FBN2: variants seen among roughly 807,000 people sequenced by gnomAD.
FBN2 encodes fibrillin 2, also known as fibrillin-2.
FBN2 carries 105 observed loss-of-function variants against 355.6 expected under a neutral mutation model. The observed-to-expected ratio is 0.30, with a 90% CI of 0.25 to 0.35. The LOEUF (loss-of-function observed/expected upper bound fraction) is 0.35. FBN2 is among the 10% of genes least tolerant of loss of function. FBN2 has a pLI of 1.00. For missense variants in FBN2, 3,280 were observed against 3,758.7 expected (o/e 0.87, Z 3.33); for synonymous variants, 1,350 against 1,301.2 (o/e 1.04, Z -0.81).
intron 38 of FBN2, 48 bp downstream of exon 38, chr5:128,311,837 T>C: frequency 6.4e-6 from 9 of 1,404,216 alleles, no homozygotes; most frequent in Non-Finnish European, 9.1e-6. Flanking sequence ...TTCTCTATAA[T>C]TAACTCTTTA....
chr5:128,298,902 G>A (rs1749621071), intron 48 of FBN2, among the ~76,000 whole-genome samples: 2 of 152,208 alleles, frequency 1.3e-5, no homozygotes, highest in Non-Finnish European at 2.9e-5. Context: ...CTTTGGAGGA[G>A]GAGAGGCGCT....
chr5:128,331,800 C>T (rs112459382), intron 32 of FBN2, among the ~76,000 whole-genome samples: 1,948 of 152,202 alleles, frequency 0.013, 19 homozygotes, highest in Non-Finnish European at 0.021. Context: ...GGAGGCTGGA[C>T]ACAGCTGAAT....
chr5:128,400,437 T>A (rs1216513239), intron 8 of FBN2, among the ~76,000 whole-genome samples: 1 of 152,020 alleles, frequency 6.6e-6, no homozygotes, highest in Admixed American at 6.5e-5. Flanking sequence ...AGTGGAATAT[T>A]TACATGACTT....
chr5:128,405,570 T>C (rs905488475), intron 8 of FBN2, among the ~76,000 whole-genome samples: 1 of 152,246 alleles, frequency 6.6e-6, no homozygotes, highest in Non-Finnish European at 1.5e-5. Context: ...GGATTCATGC[T>C]TCTTTTCCAA....
chr5:128,259,892 G>T, intron 64 of FBN2, 63 bp from the exon 65 acceptor site: 1 of 1,564,490 alleles, frequency 6.4e-7, no homozygotes, highest in Non-Finnish European at 8.8e-7. Flanking sequence ...GGACTAGAAA[G>T]AGATCAGCTG....
At chr5:128,380,851 G>A (rs1389269108) in intron 11 of FBN2, among the ~76,000 whole-genome samples, 1 of 152,008 alleles carries the variant, frequency 6.6e-6, no homozygotes, top group African/African-American at 2.4e-5. Context: ...GGAACAGAAA[G>A]TACTTAAATA....
At chr5:128,437,028 G>T (rs991754464) in intron 7 of FBN2, among the ~76,000 whole-genome samples, 1 of 152,168 alleles carries the variant, frequency 6.6e-6, no homozygotes, top group South Asian at 2.1e-4. Context: ...GAGATCTCTC[G>T]TGATAGAAAT....
intron 34 of FBN2, among the ~76,000 whole-genome samples, chr5:128,319,969 A>G (rs186858190): frequency 4.0e-4 from 61 of 152,348 alleles, no homozygotes; most frequent in African/African-American, 1.3e-3. Flanking sequence ...AGACAGTTAT[A>G]TCTTAAGTCT....
intron 7 of FBN2, among the ~76,000 whole-genome samples, chr5:128,418,955 A>C (rs1240027811): frequency 6.6e-6 from 1 of 152,180 alleles, no homozygotes; most frequent in Non-Finnish European, 1.5e-5. Flanking sequence ...CATCTTAACA[A>C]TATTAAGTTT....
In FBN2 at chr5:128,350,963, C is replaced by A. The variant is rs370973542; in HGVS notation, c.2717G>T (p.Arg906Leu). Residue 906 changes from arginine (R) to leucine (L), a missense_variant, in exon 21 of 65, where the codon CGC becomes CTC. Arg to Leu is a moderately radical substitution (Grantham distance 102, BLOSUM62 -2). Coordinates refer to ENST00000262464, the MANE Select transcript of FBN2 (RefSeq NM_001999.4). ...GGCTCCATTAATATTCACCTCACAG[C>A]GGCTGTCCTGGATGTTGAGCCAACA... ...GTCWLNIQDS[R>L]CEVNINGATL... 3 of 1,614,022 alleles carry A rather than the reference C, an allele frequency of 1.9e-6. No homozygotes were observed. Among genetic ancestry groups the A allele is most frequent in the African/African-American group, 1.3e-5 (1 of 74,922 alleles).
chr5:128,376,192 C>T (rs1325965816), intron 14 of FBN2, among the ~76,000 whole-genome samples: 1 of 152,058 alleles, frequency 6.6e-6, no homozygotes, highest in Non-Finnish European at 1.5e-5. Context: ...TTAAGGTTAT[C>T]ATTAGAGCTT....
rs1749240802 is a variant in FBN2 at position 128,288,992 on chromosome 5, A to G, written c.6637+135T>C. On this transcript the variant is annotated intron_variant, in intron 52 of 64. Coordinates refer to ENST00000262464, the MANE Select transcript of FBN2 (RefSeq NM_001999.4). ...CTGACTGGAAAATGTAAGACTGGTG[A>G]AGAAGGTGCCACTACTAGCTATTTA... 1.1e-5 allele frequency: 9 copies of G among 855,776 alleles called. No homozygotes were observed. In the East Asian group the frequency reaches 2.4e-4, roughly 22 times the overall value. 53.0% of individuals were successfully genotyped at this position (855,776 alleles called of 1,614,324 possible).
intron 5 of FBN2, among the ~76,000 whole-genome samples, chr5:128,515,098 G>A (rs530418694): frequency 1.3e-5 from 2 of 152,130 alleles, no homozygotes; most frequent in South Asian, 2.1e-4. Flanking sequence ...ATTTCTAAAC[G>A]AACTTGAGTC....
At chr5:128,480,948 A>C (rs1202425132) in intron 5 of FBN2, among the ~76,000 whole-genome samples, 1 of 152,176 alleles carries the variant, frequency 6.6e-6, no homozygotes, top group African/African-American at 2.4e-5. Flanking sequence ...ATATGGATAA[A>C]ACTTTCTTGG....
At chr5:128,350,146 T>C in intron 21 of FBN2, 141 bp from the exon 22 acceptor site, 1 of 724,556 alleles carries the variant, frequency 1.4e-6, no homozygotes, top group Non-Finnish European at 2.5e-6. Context: ...GACATCATTG[T>C]CCCCTCTTCA....
chr5:128,528,042 T>C (rs1756609003), intron 3 of FBN2, 75 bp from the exon 4 acceptor site: 1 of 932,138 alleles, frequency 1.1e-6, no homozygotes, highest in Non-Finnish European at 1.7e-6. Context: ...GTTATAAAAC[T>C]ATAAACTCAA....
intron 42 of FBN2, 79 bp downstream of exon 42, chr5:128,307,056 G>C (rs1472764393): frequency 1.1e-6 from 1 of 943,464 alleles, no homozygotes; most frequent in Non-Finnish European, 1.7e-6. Context: ...TGGTACTCTT[G>C]AATTTTAAAA....
chr5:128,471,249 G>A (rs2127093499), intron 5 of FBN2, among the ~76,000 whole-genome samples: 1 of 152,120 alleles, frequency 6.6e-6, no homozygotes, highest in East Asian at 1.9e-4. Flanking sequence ...TATTATAAAT[G>A]AGGTTCCATG....
intron 34 of FBN2, among the ~76,000 whole-genome samples, chr5:128,322,685 T>C (rs1002364108): frequency 1.3e-5 from 2 of 152,350 alleles, no homozygotes; most frequent in Non-Finnish European, 2.9e-5. Context: ...ATGGTTACTG[T>C]GGCCTTGTAG....
Sources: gnomAD v4.1 joint callset for allele counts (sites outside exome capture counted in the v4.1 genomes callset) on GRCh38, gnomAD v4.1.1 for gene constraint, MANE v1.5 for transcripts, NCBI Gene and HGNC (gene_info 2026-07-23, HGNC 2026-07-21) for gene names.